The following BBS9 variants were observed in gnomAD, a reference collection of about 807,000 sequenced individuals.
BBS9 encodes the protein protein PTHB1.
In BBS9, 89 loss-of-function variants were observed where a neutral mutation model predicts 117.7. The ratio of observed to expected loss-of-function variants is 0.76; its 90% CI spans 0.64 to 0.90. BBS9 has a LOEUF of 0.90. BBS9 is among the 40% of genes least tolerant of loss of function. BBS9 has a pLI of 0.00. For synonymous variants in BBS9, 379 were observed against 370.9 expected (o/e 1.02, Z -0.25); for missense variants, 982 against 1,042.2 (o/e 0.94, Z 0.80).
At chr7:33,591,233 G>T (rs1861865966) in intron 21 of BBS9, among the ~76,000 whole-genome samples, 1 of 151,778 alleles carries the variant, frequency 6.6e-6, no homozygotes, top group Non-Finnish European at 1.5e-5. Flanking sequence ...CCTACTCTTT[G>T]CATAAGAGGA....
chr7:33,413,345 A>G (rs1159902554), intron 19 of BBS9, among the ~76,000 whole-genome samples: 1 of 152,184 alleles, frequency 6.6e-6, no homozygotes, highest in Non-Finnish European at 1.5e-5. Flanking sequence ...TCTTTTGACT[A>G]TTCTTTTTAA....
chr7:33,529,743 T>C (rs1850275075), intron 20 of BBS9, among the ~76,000 whole-genome samples: 1 of 152,160 alleles, frequency 6.6e-6, no homozygotes, highest in African/African-American at 2.4e-5. Flanking sequence ...AAATCATTTC[T>C]CACTGAAGAG....
chr7:33,620,332 G>C (rs1865341921), intron 21 of BBS9, among the ~76,000 whole-genome samples: 2 of 151,626 alleles, frequency 1.3e-5, no homozygotes, highest in South Asian at 4.2e-4. Context: ...TAAATCCTTA[G>C]GACTCCTTAA....
chr7:33,445,425 T>G (rs1027078213), intron 19 of BBS9, among the ~76,000 whole-genome samples: 1 of 152,188 alleles, frequency 6.6e-6, no homozygotes, highest in African/African-American at 2.4e-5. Context: ...TGTATTGCAT[T>G]TATGTCAGAA....
chr7:33,320,564 T>G (rs1811491817), intron 9 of BBS9, among the ~76,000 whole-genome samples: 1 of 152,182 alleles, frequency 6.6e-6, no homozygotes, highest in Admixed American at 6.5e-5. Context: ...AGACTGGATA[T>G]CTCTCCAATC....
chr7:33,389,058 A>G (rs1826550490), intron 19 of BBS9, among the ~76,000 whole-genome samples: 1 of 152,150 alleles, frequency 6.6e-6, no homozygotes, highest in Admixed American at 6.5e-5. Context: ...CATTTTGCAA[A>G]ACTATGGTAT....
At chr7:33,409,847 G>A (rs985280527) in intron 19 of BBS9, among the ~76,000 whole-genome samples, 2 of 152,088 alleles carry the variant, frequency 1.3e-5, no homozygotes, top group African/African-American at 2.4e-5. Context: ...ATTTGCTGAT[G>A]TTATTTTTGC....
chr7:33,554,820 A>T (rs915218600), intron 21 of BBS9, among the ~76,000 whole-genome samples: 1 of 152,158 alleles, frequency 6.6e-6, no homozygotes, highest in Non-Finnish European at 1.5e-5. Context: ...AGCTTGATCT[A>T]AATCTGGAGG....
chr7:33,229,881 A>G (rs1791993354), intron 5 of BBS9, among the ~76,000 whole-genome samples: 2 of 152,102 alleles, frequency 1.3e-5, no homozygotes, highest in African/African-American at 4.8e-5. Flanking sequence ...CACCAACGGT[A>G]TACAAGAGTT....
At chr7:33,244,553 A>T (rs1353573038) in intron 5 of BBS9, among the ~76,000 whole-genome samples, 1 of 152,120 alleles carries the variant, frequency 6.6e-6, no homozygotes, top group Non-Finnish European at 1.5e-5. Context: ...AGTTGGCTTG[A>T]TACTTTTTTT....
chr7:33,184,780 G>A (rs1249126469), intron 5 of BBS9, among the ~76,000 whole-genome samples: 2 of 152,178 alleles, frequency 1.3e-5, no homozygotes, highest in African/African-American at 4.8e-5. Context: ...AAACAAGAAA[G>A]AATTCAGGGC....
chr7:33,392,377 C>T lies in BBS9; in HGVS notation c.2115+4233C>T, dbSNP rs192797036. 6.5e-4 allele frequency among the ~76,000 whole-genome samples: 99 copies of T among 152,274 alleles called. 1 individual carries two copies. In the South Asian group the frequency reaches 0.014, roughly 21 times the overall value. On this transcript the variant is annotated intron_variant, in intron 19 of 22. Transcript: ENST00000242067. ...ACTGGATAGCTAGGATGTATTTACT[C>T]ATGTATTTGGCAGATGGCTTGCAGT...
intron 19 of BBS9, among the ~76,000 whole-genome samples, chr7:33,467,011 T>TTC (rs576849835): frequency 0.021 from 2,210 of 105,198 alleles, 23 homozygotes; most frequent in Non-Finnish European, 0.027. Context: ...CATTCATTCA[T>TTC]TCTCTCTCTC....
intron 5 of BBS9, among the ~76,000 whole-genome samples, chr7:33,216,770 A>C (rs571263376): frequency 6.6e-6 from 1 of 152,284 alleles, no homozygotes; most frequent in African/African-American, 2.4e-5. Flanking sequence ...CAAAAAATTC[A>C]TTGTTTTGTA....
intron 5 of BBS9, among the ~76,000 whole-genome samples, chr7:33,188,232 G>A (rs1370974509): frequency 2.0e-5 from 3 of 151,910 alleles, no homozygotes; most frequent in East Asian, 1.9e-4. Context: ...TTAATCCAGA[G>A]ATTAGTAATT....
chr7:33,420,847 G>T (rs2128854783), intron 19 of BBS9, among the ~76,000 whole-genome samples: 1 of 152,262 alleles, frequency 6.6e-6, no homozygotes, highest in South Asian at 2.1e-4. Context: ...TTCTTGCCAG[G>T]CTCTGTGTTT....
intron 19 of BBS9, among the ~76,000 whole-genome samples, chr7:33,469,797 A>G (rs1840715525): frequency 6.6e-6 from 1 of 152,146 alleles, no homozygotes; most frequent in African/African-American, 2.4e-5. Context: ...TCCAGAAAGC[A>G]TGTAAACCTG....
At chr7:33,176,320 G>A (rs1255191463) in intron 4 of BBS9, among the ~76,000 whole-genome samples, 2 of 152,144 alleles carry the variant, frequency 1.3e-5, no homozygotes, top group Non-Finnish European at 2.9e-5. Context: ...TACTGGGTGC[G>A]AGGACCACAT....
intron 12 of BBS9, among the ~76,000 whole-genome samples, chr7:33,348,526 C>A (rs1818023238): frequency 6.6e-6 from 1 of 152,070 alleles, no homozygotes; most frequent in African/African-American, 2.4e-5. Context: ...CATATTGTTG[C>A]TGTGAACATT....
Sources: allele counts gnomAD v4.1 joint callset (sites outside exome capture counted in the v4.1 genomes callset), GRCh38; gene constraint gnomAD v4.1.1; transcripts MANE v1.5; gene names NCBI Gene and HGNC (gene_info 2026-07-23, HGNC 2026-07-21).